Variants in APPL1 observed in about 807,000 individuals in gnomAD.
APPL1 encodes the protein adaptor protein, phosphotyrosine interacting with PH domain and leucine zipper 1, also known as DCC-interacting protein 13-alpha.
A neutral mutation model predicts 106.8 loss-of-function variants in APPL1; 42 were observed. That is an observed-to-expected ratio of 0.39 (90% CI 0.31 to 0.51). The LOEUF (loss-of-function observed/expected upper bound fraction) is 0.51, where lower values mean the gene tolerates loss of function less well. APPL1 is among the 20% of genes least tolerant of loss of function. The pLI, the probability that APPL1 is intolerant of heterozygous loss-of-function variation, is 0.75. For missense variants in APPL1, 769 were observed against 858.2 expected (o/e 0.90, Z 1.30); for synonymous variants, 263 against 281.8 (o/e 0.93, Z 0.67).
At chr3:57,249,741 A>G (rs1354729835) in intron 11 of APPL1, among the ~76,000 whole-genome samples, 193 bp downstream of exon 11, 1 of 152,086 alleles carries the variant, frequency 6.6e-6, no homozygotes, top group Non-Finnish European at 1.5e-5. Context: ...TGATATTTTG[A>G]AGTTGTCAAA....
chr3:57,250,168 T>A (rs1339886165), intron 11 of APPL1, among the ~76,000 whole-genome samples: 1 of 152,014 alleles, frequency 6.6e-6, no homozygotes, highest in African/African-American at 2.4e-5. Context: ...TGAGGCGGGG[T>A]CTTACTGTGT....
rs756554544 is a variant in APPL1, at chr3:57,246,173, A to G, written c.572A>G (p.Lys191Arg). 6.2e-7 allele frequency: 1 copy of G among 1,611,008 alleles called. No individual in the cohort carries two copies. Among genetic ancestry groups the G allele is most frequent in the East Asian group, 2.2e-5 (1 of 44,688 alleles). The part of the protein sequence containing the change: ...YFCALNTLQY[K>R]KKIALLEPLL... ...TGTGCATTAAATACTCTTCAGTACA[A>G]GAAGAAAATAGCATTGTTAGAACCT... Residue 191 changes from lysine (K) to arginine (R), a missense_variant, in exon 8 of 22, where the codon AAG becomes AGG. Physicochemically the swap from Lys to Arg is conservative, Grantham distance 26. Coordinates refer to ENST00000288266, the MANE Select transcript of APPL1 (RefSeq NM_012096.3).
At chr3:57,262,816 GTGTGTGT>G (rs1559514052) in intron 19 of APPL1, among the ~76,000 whole-genome samples, 29 of 15,888 alleles carry the variant, frequency 1.8e-3, no homozygotes, top group African/African-American at 7.3e-3. Context: ...TACAAGGGGT[GTGTGTGT>G]GTGTGTGTGT....
chr3:57,239,274 A>G (rs2060732731), intron 4 of APPL1, among the ~76,000 whole-genome samples: 1 of 152,206 alleles, frequency 6.6e-6, no homozygotes, highest in Non-Finnish European at 1.5e-5. Context: ...CAGCCAAACC[A>G]TATCAAGCAG....
rs1283534045 is a variant in APPL1, at chr3:57,273,341, G to T, written c.*3654G>T. On this transcript the variant is annotated 3_prime_UTR_variant, in exon 22 of 22. Coordinates refer to ENST00000288266, the MANE Select transcript of APPL1 (RefSeq NM_012096.3). ...GTGATCATGGTATTGGTATACATGT[G>T]GGGTGGAGAACTTATTTTTTCATTT... is the stretch of plus-strand genomic sequence containing the variant. 1 of 152,588 alleles carries T rather than the reference G, an allele frequency of 6.6e-6. No homozygotes were observed. The highest frequency in any genetic ancestry group is 1.5e-5 in the Non-Finnish European group (1 of 68,030). The allele number at this position is 152,588 out of a possible 1,614,324, so 9.5% of individuals were successfully genotyped here. A position where few individuals can be genotyped will look rare whatever the true frequency, so the allele number is the denominator to read the frequency against.
At position 57,228,013 on chromosome 3, in the gene APPL1, C is replaced by T. The variant is rs2060662161; in HGVS notation, c.54+76C>T. 1 of 1,252,698 alleles carries T rather than the reference C, an allele frequency of 8.0e-7. No homozygotes were observed. The highest frequency in any genetic ancestry group is 3.3e-5 in the East Asian group (1 of 30,030). The allele number at this position is 1,252,698 out of a possible 1,614,324, so 77.6% of individuals were successfully genotyped here. On this transcript the variant is annotated intron_variant, in intron 1 of 21. Transcript: ENST00000288266. The surrounding 1 kb of genome is among the most constrained non-coding windows in gnomAD (Gnocchi z 4.6). ...CCAGGTCTGGCGCCTCCGCGGCTCCCGCAGGTGCCCGCCCCGGCCCAGGTG... is the reference window on the plus strand; with the variant it reads ...CCAGGTCTGGCGCCTCCGCGGCTCCTGCAGGTGCCCGCCCCGGCCCAGGTG...
At chr3:57,256,005 C>T (rs2060833294) in intron 13 of APPL1, among the ~76,000 whole-genome samples, 2 of 152,084 alleles carry the variant, frequency 1.3e-5, no homozygotes, top group Non-Finnish European at 2.9e-5. Context: ...AGTCATTTTG[C>T]TAACCATAAG....
Position 57,242,903 on chromosome 3 carries a change from G to T in APPL1, c.463G>T (p.Glu155Ter). Residue 155 changes from glutamate (E) to a stop codon, truncating the protein, a stop_gained, in exon 7 of 22, where the codon GAA becomes TAA. Coordinates refer to ENST00000288266, the MANE Select transcript of APPL1 (RefSeq NM_012096.3). LOFTEE classifies it high-confidence loss of function. Reference sequence around the variant, plus strand: ...ATATAGCCGTTTATCAAAAAAAAGAGAAAATGACAAGGTGTGGTACATATT... The same window carrying T: ...ATATAGCCGTTTATCAAAAAAAAGATAAAATGACAAGGTGTGGTACATATT... ...NRYSRLSKKRENDKVKYEVTE... is the reference protein window; with the variant it reads ...NRYSRLSKKR 1 of 1,611,346 alleles carries T rather than the reference G, an allele frequency of 6.2e-7. No individual in the cohort carries two copies. Among genetic ancestry groups the T allele is most frequent in the Non-Finnish European group, 8.5e-7 (1 of 1,178,088 alleles).
chr3:57,260,843 AATT>A (rs2060861404), intron 19 of APPL1, 69 bp downstream of exon 19: 2 of 1,361,516 alleles, frequency 1.5e-6, no homozygotes, highest in Admixed American at 2.5e-5. Flanking sequence ...ATTTAATAAT[AATT>A]AAATTCTTAC....
chr3:57,240,632 C>A, intron 5 of APPL1, 80 bp downstream of exon 5: 2 of 1,261,008 alleles, frequency 1.6e-6, no homozygotes, highest in Admixed American at 3.5e-5. Context: ...TGTACTTACA[C>A]CATTTCTGGA....
chr3:57,246,647 A>T (rs1412734598), intron 8 of APPL1, among the ~76,000 whole-genome samples: 1 of 152,172 alleles, frequency 6.6e-6, no homozygotes, highest in East Asian at 1.9e-4. Context: ...GTACATCAGG[A>T]AGGGGGCTAG....
intron 1 of APPL1, among the ~76,000 whole-genome samples, chr3:57,232,434 A>G (rs191487719): frequency 9.8e-5 from 15 of 152,308 alleles, no homozygotes; most frequent in East Asian, 9.6e-4. Flanking sequence ...CTAGTAGCAT[A>G]CTGGCCAAGT....
intron 16 of APPL1, among the ~76,000 whole-genome samples, chr3:57,259,490 C>T (rs1182634088): frequency 6.6e-6 from 1 of 151,964 alleles, no homozygotes; most frequent in Non-Finnish European, 1.5e-5. Context: ...TGAGACAGGG[C>T]TCCCTATGTT....
In APPL1 at chr3:57,227,944, C is replaced by T; in HGVS notation, c.54+7C>T. The T allele has an allele frequency of 2.1e-6, 3 of 1,433,292 alleles. No individual in the cohort carries two copies. The highest frequency in any genetic ancestry group is 1.8e-6 in the Non-Finnish European group (2 of 1,084,522). The allele number at this position is 1,433,292 out of a possible 1,614,324, so 88.8% of individuals were successfully genotyped here. A position where few individuals can be genotyped will look rare whatever the true frequency, so the allele number is the denominator to read the frequency against. ...GCTGGAGGACAGCCCGCAGGTGAGG[C>T]GCGGGAGCTGGTGGGCGACGAGGGA... On this transcript the variant is annotated splice_region_variant and intron_variant, in intron 1 of 21. Coordinates refer to ENST00000288266, the MANE Select transcript of APPL1 (RefSeq NM_012096.3).
rs553218130 is a variant in APPL1 at position 57,270,409 on chromosome 3, C to T, written c.*722C>T. 1.3e-5 allele frequency: 2 copies of T among 152,714 alleles called. No homozygotes were observed. The highest frequency in any genetic ancestry group is 4.1e-4 in the South Asian group (2 of 4,830). 9.5% of individuals were successfully genotyped at this position (152,714 alleles called of 1,614,324 possible). A position where few individuals can be genotyped will look rare whatever the true frequency, so the allele number is the denominator to read the frequency against. On this transcript the variant is annotated 3_prime_UTR_variant, in exon 22 of 22. Transcript: ENST00000288266. Reference sequence around the variant, plus strand: ...AGTTCTCAGGTTGGGACTTCAATTACTGCTGCAGAGCAGTAGTGGTTAAAA... The same window carrying T: ...AGTTCTCAGGTTGGGACTTCAATTATTGCTGCAGAGCAGTAGTGGTTAAAA...
intron 13 of APPL1, 139 bp from the exon 14 acceptor site, chr3:57,256,818 G>A: frequency 1.6e-6 from 1 of 638,712 alleles, no homozygotes. Flanking sequence ...TTAAGACGAG[G>A]GAATATAGTA....
Position 57,228,032 on chromosome 3 carries a change from C to G in APPL1, c.54+95C>G. On this transcript the variant is annotated intron_variant, in intron 1 of 21. Transcript: ENST00000288266. This position sits in a 1 kb window ranked among gnomAD's most constrained non-coding sequence, Gnocchi z 4.6. ...GGCTCCCGCAGGTGCCCGCCCCGGC[C>G]CAGGTGGGGGCCGCCGCCGCCCTAG... 8.9e-7 allele frequency: 1 copy of G among 1,124,770 alleles called. No homozygotes were observed. Among genetic ancestry groups the G allele is most frequent in the Non-Finnish European group, 1.1e-6 (1 of 870,312 alleles). 69.7% of individuals were successfully genotyped at this position (1,124,770 alleles called of 1,614,324 possible). A position where few individuals can be genotyped will look rare whatever the true frequency, so the allele number is the denominator to read the frequency against.
intron 13 of APPL1, among the ~76,000 whole-genome samples, chr3:57,256,586 A>T (rs956297086): frequency 6.6e-6 from 1 of 152,224 alleles, no homozygotes. Context: ...CCATTGTGCC[A>T]GGCACTGGGC....
intron 1 of APPL1, chr3:57,230,786 T>C (rs1313056491): frequency 4.4e-6 from 2 of 456,964 alleles, no homozygotes; most frequent in East Asian, 1.4e-4. Context: ...TTTGTTTTTT[T>C]TTTGAGACAG....
Sources: allele counts gnomAD v4.1 joint callset (sites outside exome capture counted in the v4.1 genomes callset), GRCh38; gene constraint gnomAD v4.1.1; non-coding constraint Gnocchi (gnomAD v3.1); transcripts MANE v1.5; gene names NCBI Gene and HGNC (gene_info 2026-07-23, HGNC 2026-07-21).